TRPM3: variants seen among roughly 807,000 people sequenced by gnomAD.
TRPM3 encodes long transient receptor potential channel 3.
Under a neutral mutation model 181.2 loss-of-function variants are expected in TRPM3, and 77 were observed. The ratio of observed to expected loss-of-function variants is 0.42; its 90% CI spans 0.35 to 0.51. The LOEUF (loss-of-function observed/expected upper bound fraction) is 0.51, where lower values mean the gene tolerates loss of function less well. Among genes scored for constraint, TRPM3 ranks in the 20% least tolerant of loss-of-function variants. The probability of loss-of-function intolerance (pLI) is 0.01; values close to 1 mark genes in which losing one functional copy is unlikely to be tolerated. For missense variants in TRPM3, 1,759 were observed against 2,196.7 expected (o/e 0.80, Z 3.98); for synonymous variants, 745 against 796.4 (o/e 0.94, Z 1.09).
chr9:70,984,898 A>G (rs1432534363), intron 1 of TRPM3, among the ~76,000 whole-genome samples: 3 of 152,226 alleles, frequency 2.0e-5, no homozygotes, highest in Admixed American at 6.5e-5. Context: ...TGTCATCCGT[A>G]TTTTATTTAC....
intron 1 of TRPM3, among the ~76,000 whole-genome samples, chr9:71,424,103 C>T (rs2093822919): frequency 6.6e-6 from 1 of 152,074 alleles, no homozygotes; most frequent in Non-Finnish European, 1.5e-5. Context: ...CTTAAAGATG[C>T]CTTATAGACT....
chr9:70,917,651 A>C, intron 1 of TRPM3: 1 of 429,018 alleles, frequency 2.3e-6, no homozygotes, highest in Non-Finnish European at 4.3e-6. Flanking sequence ...AAATACACAA[A>C]AATAAAAAGC....
chr9:70,681,637 T>C, intron 8 of TRPM3, 59 bp from the exon 9 acceptor site: 2 of 1,382,946 alleles, frequency 1.4e-6, no homozygotes, highest in Non-Finnish European at 2.1e-6. Flanking sequence ...AGAAATTAAA[T>C]CAATGAGACC....
chr9:70,917,378 A>G, intron 1 of TRPM3: 1 of 935,638 alleles, frequency 1.1e-6, no homozygotes, highest in Non-Finnish European at 1.8e-6. Flanking sequence ...GCCTTCAACC[A>G]CTCTCTTCCA....
At chr9:70,618,246 T>C (rs1419392491) in intron 17 of TRPM3, among the ~76,000 whole-genome samples, 1 of 152,238 alleles carries the variant, frequency 6.6e-6, no homozygotes, top group East Asian at 1.9e-4. Flanking sequence ...GCGGACAATT[T>C]ACTATGTGTC....
intron 1 of TRPM3, among the ~76,000 whole-genome samples, chr9:70,949,507 G>C (rs879453692): frequency 6.6e-6 from 1 of 152,002 alleles, no homozygotes; most frequent in Non-Finnish European, 1.5e-5. Flanking sequence ...CAAGATCCCA[G>C]AAGGACTTCT....
At chr9:70,883,051 G>A (rs977960714) in intron 1 of TRPM3, among the ~76,000 whole-genome samples, 4 of 152,132 alleles carry the variant, frequency 2.6e-5, no homozygotes, top group African/African-American at 9.7e-5. Flanking sequence ...ACTTGAAAAT[G>A]ATATATATGT....
intron 1 of TRPM3, among the ~76,000 whole-genome samples, chr9:70,981,209 A>G (rs1384197361): frequency 1.3e-5 from 2 of 152,222 alleles, no homozygotes. Flanking sequence ...TTTTAGAGCC[A>G]TAATATATGA....
At chr9:71,004,673 A>G (rs553308631) in intron 1 of TRPM3, among the ~76,000 whole-genome samples, 1 of 152,366 alleles carries the variant, frequency 6.6e-6, no homozygotes, top group South Asian at 2.1e-4. Flanking sequence ...GACAAAATTC[A>G]GAATAGTCCT....
chr9:71,436,804 C>T (rs2094048135), intron 1 of TRPM3, among the ~76,000 whole-genome samples: 1 of 152,154 alleles, frequency 6.6e-6, no homozygotes, highest in South Asian at 2.1e-4. Flanking sequence ...TGTCATACTT[C>T]CGTACTACAG....
intron 1 of TRPM3, among the ~76,000 whole-genome samples, chr9:71,312,284 C>G (rs1393298812): frequency 1.3e-5 from 2 of 152,142 alleles, no homozygotes; most frequent in Middle Eastern, 3.4e-3. Context: ...AAACAGATGA[C>G]AAACAAGCGT....
intron 1 of TRPM3, among the ~76,000 whole-genome samples, chr9:71,244,794 G>T (rs12345071): frequency 4.3e-3 from 651 of 152,228 alleles, no homozygotes; most frequent in African/African-American, 0.015. Flanking sequence ...TGGGAAAAAT[G>T]CAAATAAACC....
intron 25 of TRPM3, among the ~76,000 whole-genome samples, chr9:70,539,515 A>G (rs1309949705): frequency 6.8e-6 from 1 of 147,180 alleles, no homozygotes; most frequent in African/African-American, 2.5e-5. Context: ...CCCATAACCA[A>G]CCCAATGCAT....
At chr9:71,253,171 T>C (rs2082455391) in intron 1 of TRPM3, among the ~76,000 whole-genome samples, 1 of 152,164 alleles carries the variant, frequency 6.6e-6, no homozygotes, top group Admixed American at 6.6e-5. Context: ...AATTTCTTAA[T>C]TTTCACATTT....
intron 16 of TRPM3, 39 bp downstream of exon 16, chr9:70,620,037 C>CT: frequency 6.4e-7 from 1 of 1,566,680 alleles, no homozygotes; most frequent in Non-Finnish European, 8.7e-7. Flanking sequence ...ACCTTTCCTC[C>CT]TCTCCCCCTG....
At chr9:70,907,520 T>C (rs2096484258) in intron 1 of TRPM3, among the ~76,000 whole-genome samples, 1 of 152,210 alleles carries the variant, frequency 6.6e-6, no homozygotes, top group African/African-American at 2.4e-5. Context: ...ACAGCATAGA[T>C]GCAGCTGTTG....
intron 1 of TRPM3, among the ~76,000 whole-genome samples, chr9:70,972,504 AAG>A (rs986337728): frequency 6.6e-6 from 1 of 152,134 alleles, no homozygotes; most frequent in Non-Finnish European, 1.5e-5. Flanking sequence ...CTAATGGGTA[AAG>A]AGTTTCTTTT....
At chr9:71,334,079 C>T (rs955767867) in intron 1 of TRPM3, among the ~76,000 whole-genome samples, 15 of 151,704 alleles carry the variant, frequency 9.9e-5, no homozygotes, top group Admixed American at 2.6e-4. Flanking sequence ...TACAATGAAA[C>T]AACAAACTAA....
intron 1 of TRPM3, among the ~76,000 whole-genome samples, chr9:71,306,160 A>G (rs1446812669): frequency 1.3e-5 from 2 of 152,180 alleles, no homozygotes; most frequent in South Asian, 2.1e-4. Flanking sequence ...TACCTGAACT[A>G]TTATCACGAA....
Sources: gnomAD v4.1 joint callset for allele counts (sites outside exome capture counted in the v4.1 genomes callset) on GRCh38, gnomAD v4.1.1 for gene constraint, MANE v1.5 for transcripts, NCBI Gene and HGNC (gene_info 2026-07-23, HGNC 2026-07-21) for gene names.